ARHGAP32: variants seen among roughly 807,000 people sequenced by gnomAD.
ARHGAP32 encodes the protein rho GTPase-activating protein 32.
ARHGAP32 carries 51 observed loss-of-function variants against 186.5 expected under a neutral mutation model. The ratio of observed to expected loss-of-function variants is 0.27; its 90% CI spans 0.22 to 0.35. ARHGAP32 has a LOEUF of 0.35. ARHGAP32 is among the 10% of genes least tolerant of loss of function. ARHGAP32 has a pLI of 1.00. For synonymous variants in ARHGAP32, 950 were observed against 964.3 expected (o/e 0.99, Z 0.27); for missense variants, 2,186 against 2,623.5 (o/e 0.83, Z 3.64).
intron 5 of ARHGAP32, among the ~76,000 whole-genome samples, chr11:129,109,039 T>G (rs2135331316): frequency 6.6e-6 from 1 of 152,278 alleles, no homozygotes. Context: ...TGCATGTTTC[T>G]TCCCATTAAT....
chr11:129,139,861 G>A (rs1250274148), intron 2 of ARHGAP32, among the ~76,000 whole-genome samples: 2 of 152,114 alleles, frequency 1.3e-5, no homozygotes, highest in African/African-American at 4.8e-5. Flanking sequence ...ATATTATGAA[G>A]TATAAATACC....
chr11:129,039,592 G>A (rs911846990), intron 11 of ARHGAP32, among the ~76,000 whole-genome samples: 20 of 152,162 alleles, frequency 1.3e-4, no homozygotes, highest in Non-Finnish European at 7.4e-5. Flanking sequence ...AGCAGTGTCC[G>A]CTAATGGATA....
chr11:129,019,169 G>A (rs979853943), intron 11 of ARHGAP32, among the ~76,000 whole-genome samples: 1 of 152,108 alleles, frequency 6.6e-6, no homozygotes, highest in African/African-American at 2.4e-5. Flanking sequence ...TTTTGTGATA[G>A]CTCTGCCCTC....
chr11:129,245,733 C>A (rs1261774119), intron 1 of ARHGAP32, among the ~76,000 whole-genome samples: 1 of 151,046 alleles, frequency 6.6e-6, no homozygotes, highest in African/African-American at 2.4e-5. Context: ...TGCCTCCTAT[C>A]AGCTTAGTAT....
intron 1 of ARHGAP32, among the ~76,000 whole-genome samples, chr11:129,191,833 C>CA (rs1944276551): frequency 6.6e-6 from 1 of 152,120 alleles, no homozygotes; most frequent in Admixed American, 6.5e-5. Flanking sequence ...AAGGCTACTA[C>CA]AAAACCTGTC....
At chr11:129,162,152 G>T (rs1467595874) in intron 2 of ARHGAP32, among the ~76,000 whole-genome samples, 4 of 152,112 alleles carry the variant, frequency 2.6e-5, no homozygotes, top group Non-Finnish European at 5.9e-5. Context: ...GTCAGGGGGT[G>T]GGGGCTAGGG....
chr11:129,154,399 G>T (rs1203966054), intron 2 of ARHGAP32, among the ~76,000 whole-genome samples: 1 of 152,090 alleles, frequency 6.6e-6, no homozygotes, highest in Non-Finnish European at 1.5e-5. Flanking sequence ...CAGAAGAAAA[G>T]AAGTCATTAT....
intron 5 of ARHGAP32, among the ~76,000 whole-genome samples, chr11:129,099,608 C>T (rs1044358529): frequency 4.0e-5 from 6 of 151,794 alleles, no homozygotes; most frequent in Non-Finnish European, 7.4e-5. Context: ...AAAAGATATT[C>T]CATGCAAATT....
chr11:129,063,597 C>T (rs1940586726), intron 9 of ARHGAP32, among the ~76,000 whole-genome samples: 1 of 151,958 alleles, frequency 6.6e-6, no homozygotes, highest in African/African-American at 2.4e-5. Context: ...AGCAATAAGC[C>T]ATGAGCACAG....
At chr11:129,148,757 G>A (rs571354034) in intron 2 of ARHGAP32, among the ~76,000 whole-genome samples, 1 of 152,256 alleles carries the variant, frequency 6.6e-6, no homozygotes. Context: ...GTTCTGAGTG[G>A]GGCACTGCAG....
At chr11:128,997,861 T>G (rs1166347451) in intron 12 of ARHGAP32, among the ~76,000 whole-genome samples, 1 of 152,114 alleles carries the variant, frequency 6.6e-6, no homozygotes. Flanking sequence ...GCCACTGCAC[T>G]CCAGCGTGGG....
intron 2 of ARHGAP32, among the ~76,000 whole-genome samples, chr11:129,151,526 G>C (rs1343602893): frequency 6.6e-6 from 1 of 151,996 alleles, no homozygotes; most frequent in Non-Finnish European, 1.5e-5. Flanking sequence ...TATCCTCTCA[G>C]ACCACAGTAA....
chr11:129,094,549 C>G (rs1010508733), intron 5 of ARHGAP32, among the ~76,000 whole-genome samples: 1 of 152,162 alleles, frequency 6.6e-6, no homozygotes, highest in Non-Finnish European at 1.5e-5. Flanking sequence ...CATTCTCACA[C>G]GGGCAACAAC....
At chr11:129,122,155 A>C (rs1156244709) in intron 5 of ARHGAP32, among the ~76,000 whole-genome samples, 4 of 152,108 alleles carry the variant, frequency 2.6e-5, no homozygotes, top group African/African-American at 9.7e-5. Flanking sequence ...TACCATTAAC[A>C]GTTTTGTTTT....
chr11:129,208,675 T>C (rs905590688), intron 1 of ARHGAP32, among the ~76,000 whole-genome samples: 2 of 151,592 alleles, frequency 1.3e-5, no homozygotes, highest in African/African-American at 4.8e-5. Flanking sequence ...TTCTTTTTTT[T>C]TTTTTTGAGA....
intron 5 of ARHGAP32, among the ~76,000 whole-genome samples, chr11:129,115,804 T>G (rs1942351637): frequency 6.6e-6 from 1 of 152,052 alleles, no homozygotes; most frequent in Non-Finnish European, 1.5e-5. Context: ...TTCCAGAGTG[T>G]TTGTGAAATA....
chr11:128,988,124 C>T lies in ARHGAP32; in HGVS notation c.1197G>A (p.Val399=). ...CTGTGCAGCTTTGAAGAACCTGCGGCACTAAAGAGAATTTGTAAAGAAACA... is the reference window on the plus strand; with the variant it reads ...CTGTGCAGCTTTGAAGAACCTGCGGTACTAAAGAGAATTTGTAAAGAAACA... The part of the protein sequence containing the change: ...GEHLLNSGFE[V]PQVLQSCTAF... The change falls in exon 13 of 23, where the codon GTG becomes GTA. Residue 399 remains valine, a splice_region_variant and synonymous_variant. Transcript: ENST00000682385. 1 of 1,608,334 alleles carries T rather than the reference C, an allele frequency of 6.2e-7. No individual in the cohort carries two copies. Among genetic ancestry groups the T allele is most frequent in the Non-Finnish European group, 8.5e-7 (1 of 1,175,898 alleles).
intron 19 of ARHGAP32, among the ~76,000 whole-genome samples, chr11:128,978,038 A>G (rs1447371815): frequency 1.3e-5 from 2 of 151,918 alleles, no homozygotes; most frequent in African/African-American, 4.8e-5. Flanking sequence ...TTCAATAACT[A>G]TGATTCTGCA....
At chr11:128,993,103 C>T (rs1946105492) in intron 12 of ARHGAP32, 1 of 152,190 alleles carries the variant, frequency 6.6e-6, no homozygotes, top group African/African-American at 2.4e-5. Flanking sequence ...TCAAGTTTGT[C>T]ACTTGCTCCA....
Sources: gnomAD v4.1 joint callset for allele counts (sites outside exome capture counted in the v4.1 genomes callset) on GRCh38, gnomAD v4.1.1 for gene constraint, MANE v1.5 for transcripts, NCBI Gene and HGNC (gene_info 2026-07-23, HGNC 2026-07-21) for gene names.